Variants in MAN1A2 observed in about 807,000 individuals in gnomAD.
MAN1A2 encodes the protein mannosyl-oligosaccharide 1,2-alpha-mannosidase IB.
A neutral mutation model predicts 75.7 loss-of-function variants in MAN1A2; 26 were observed. That is an observed-to-expected ratio of 0.34 (90% CI 0.25 to 0.48). The LOEUF is 0.48. Among genes scored for constraint, MAN1A2 ranks in the 20% least tolerant of loss-of-function variants. The probability of loss-of-function intolerance (pLI) is 0.99; values close to 1 mark genes in which losing one functional copy is unlikely to be tolerated. For synonymous variants in MAN1A2, 247 were observed against 264.6 expected, an observed-to-expected ratio of 0.93 and a Z score of 0.65; for missense variants, 562 against 775.5, an observed-to-expected ratio of 0.72 and a Z score of 3.27.
chr1:117,519,235 C>T (rs972111506), intron 12 of MAN1A2, among the ~76,000 whole-genome samples: 2 of 151,632 alleles, frequency 1.3e-5, no homozygotes, highest in South Asian at 2.1e-4. Context: ...TCAGAAAGAC[C>T]GAAAGAGCAC....
intron 7 of MAN1A2, among the ~76,000 whole-genome samples, chr1:117,464,711 C>G (rs541485338): frequency 2.4e-4 from 36 of 152,194 alleles, no homozygotes; most frequent in African/African-American, 7.7e-4. Context: ...CACAGACAAG[C>G]TGTTTGCGCC....
chr1:117,504,239 A>G (rs1272164965), intron 12 of MAN1A2, among the ~76,000 whole-genome samples: 3 of 151,380 alleles, frequency 2.0e-5, no homozygotes, highest in African/African-American at 7.3e-5. Flanking sequence ...GAACATGTCA[A>G]AATAAAATTT....
chr1:117,474,784 ACAAT>A (rs1228384716), intron 8 of MAN1A2, among the ~76,000 whole-genome samples: 4 of 151,780 alleles, frequency 2.6e-5, no homozygotes, highest in Non-Finnish European at 4.4e-5. Flanking sequence ...AATCATGATC[ACAAT>A]CAAAATAGTG....
intron 4 of MAN1A2, among the ~76,000 whole-genome samples, chr1:117,419,964 A>G (rs1005614960): frequency 6.6e-6 from 1 of 151,996 alleles, no homozygotes; most frequent in Non-Finnish European, 1.5e-5. Context: ...TACTTTAAAA[A>G]TTTTTTTAAA....
chr1:117,517,415 TC>T (rs1375737974), intron 12 of MAN1A2, among the ~76,000 whole-genome samples: 1 of 152,162 alleles, frequency 6.6e-6, no homozygotes, highest in African/African-American at 2.4e-5. Context: ...CTATGTTCCC[TC>T]TATTCAAAAA....
intron 6 of MAN1A2, among the ~76,000 whole-genome samples, chr1:117,442,870 A>G (rs1313826581): frequency 2.0e-5 from 3 of 152,196 alleles, no homozygotes; most frequent in African/African-American, 4.8e-5. Context: ...TTAAGCATCA[A>G]TCTTTATAAT....
chr1:117,507,408 C>A (rs1471862823), intron 12 of MAN1A2, among the ~76,000 whole-genome samples: 2 of 151,520 alleles, frequency 1.3e-5, no homozygotes, highest in East Asian at 3.9e-4. Context: ...TGTAAGGTAT[C>A]AAAAATCCAC....
chr1:117,402,651 T>A (rs1647478456), intron 2 of MAN1A2, among the ~76,000 whole-genome samples: 1 of 152,010 alleles, frequency 6.6e-6, no homozygotes, highest in Non-Finnish European at 1.5e-5. Context: ...CTTAAAATAT[T>A]TTTGATACAA....
chr1:117,434,944 G>A (rs1049597404), intron 5 of MAN1A2, among the ~76,000 whole-genome samples: 1 of 151,838 alleles, frequency 6.6e-6, no homozygotes, highest in Non-Finnish European at 1.5e-5. Flanking sequence ...GTGGAGGGGG[G>A]TATAAAACAG....
intron 6 of MAN1A2, among the ~76,000 whole-genome samples, chr1:117,446,902 C>T (rs377059134): frequency 6.6e-6 from 1 of 151,972 alleles, no homozygotes; most frequent in South Asian, 2.1e-4. Flanking sequence ...GGAATTGTCT[C>T]TTCTCTATTT....
At chr1:117,439,062 A>G (rs1467027339) in intron 5 of MAN1A2, among the ~76,000 whole-genome samples, 1 of 152,176 alleles carries the variant, frequency 6.6e-6, no homozygotes, top group Admixed American at 6.5e-5. Context: ...TATTTTTTGT[A>G]AGAACATTTA....
chr1:117,501,251 C>T (rs549240117), intron 11 of MAN1A2, among the ~76,000 whole-genome samples: 7 of 151,708 alleles, frequency 4.6e-5, no homozygotes, highest in East Asian at 2.0e-4. Flanking sequence ...AATGTATAAT[C>T]GGTCAAGAAC....
chr1:117,442,134 C>G, intron 5 of MAN1A2, 97 bp from the exon 6 acceptor site: 1 of 781,802 alleles, frequency 1.3e-6, no homozygotes. Flanking sequence ...CTCCCGTGTA[C>G]CCAGTACCTT....
At chr1:117,472,467 A>G (rs915462431) in intron 8 of MAN1A2, among the ~76,000 whole-genome samples, 3 of 152,070 alleles carry the variant, frequency 2.0e-5, no homozygotes, top group Non-Finnish European at 4.4e-5. Context: ...GATGCTAGGT[A>G]TATAGATGTG....
At chr1:117,381,981 C>G (rs1653359481) in intron 1 of MAN1A2, among the ~76,000 whole-genome samples, 1 of 151,674 alleles carries the variant, frequency 6.6e-6, no homozygotes, top group African/African-American at 2.4e-5. Context: ...GCATAAATGT[C>G]TTCTTTTGAG....
In MAN1A2 at chr1:117,368,329, T is replaced by A; in HGVS notation, c.146T>A (p.Leu49Gln). ...CTTATTCTTAGTGCCTTCATCACTC[T>A]GTGTTTTGGGGCATTCTTTTTCCTT... Reference protein sequence around the residue: ...LLLILSAFITLCFGAFFFLPD... With the variant: ...LLLILSAFITQCFGAFFFLPD... Residue 49 changes from leucine (L) to glutamine (Q), a missense_variant, in exon 1 of 13, where the codon CTG becomes CAG. This residue lies in a region of MAN1A2 where 128 missense variants were observed against 129.8 expected (regional missense o/e 0.99). Transcript: ENST00000356554. 1 of 1,614,150 alleles carries A rather than the reference T, an allele frequency of 6.2e-7. No homozygotes were observed. The highest frequency in any genetic ancestry group is 8.5e-7 in the Non-Finnish European group (1 of 1,180,010).
intron 11 of MAN1A2, among the ~76,000 whole-genome samples, chr1:117,501,842 C>T (rs905165814): frequency 6.6e-5 from 10 of 151,654 alleles, no homozygotes; most frequent in South Asian, 2.1e-4. Flanking sequence ...TGGCAGACAG[C>T]GATGGTTAGT....
At chr1:117,506,971 A>G (rs193059961) in intron 12 of MAN1A2, among the ~76,000 whole-genome samples, 30 of 151,810 alleles carry the variant, frequency 2.0e-4, no homozygotes, top group Non-Finnish European at 3.5e-4. Context: ...TTAGTGCCTT[A>G]CTTTTAAATA....
Position 117,528,102 on chromosome 1 carries a change from A to G in MAN1A2, c.*5145A>G, listed in dbSNP as rs1652073805. 1 of 152,046 alleles carries G rather than the reference A, an allele frequency of 6.6e-6. No individual in the cohort carries two copies. The highest frequency in any genetic ancestry group is 2.4e-5 in the African/African-American group (1 of 41,422). 9.4% of individuals were successfully genotyped at this position (152,046 alleles called of 1,614,324 possible). A position where few individuals can be genotyped will look rare whatever the true frequency, so the allele number is the denominator to read the frequency against. ...ATCATTTTCAACTAAAGCATACCTC[A>G]TCCTTAAACTTCCACTATTTAACAG... On this transcript the variant is annotated 3_prime_UTR_variant, in exon 13 of 13. Coordinates refer to ENST00000356554, the MANE Select transcript of MAN1A2 (RefSeq NM_006699.5).
Sources: gnomAD v4.1 joint callset for allele counts (sites outside exome capture counted in the v4.1 genomes callset) on GRCh38, gnomAD v4.1.1 for gene constraint, gnomAD v4.1.1 regional missense constraint, MANE v1.5 for transcripts, NCBI Gene and HGNC (gene_info 2026-07-23, HGNC 2026-07-21) for gene names.